RAB9B: variants seen among roughly 807,000 people sequenced by gnomAD.
RAB9B encodes ras-related protein Rab-9B.
RAB9B carries 1 observed loss-of-function variant against 8.9 expected under a neutral mutation model. The ratio of observed to expected loss-of-function variants is 0.11; its 90% CI spans 0.04 to 0.53. RAB9B has a LOEUF of 0.53. RAB9B is among the 20% of genes least tolerant of loss of function. The pLI is 0.93. For missense variants in RAB9B, 82 were observed against 152.9 expected (o/e 0.54, Z 2.45); for synonymous variants, 63 against 57.0 (o/e 1.10, Z -0.47).
At chrX:103,812,945 A>T in the RAB9B span, among the ~76,000 whole-genome samples, 3 of 102,406 alleles carry the variant, frequency 2.9e-5, no homozygotes, top group African/African-American at 1.1e-4. Flanking sequence ...TTTAATTTTT[A>T]AATTTTTTTT....
chrX:103,780,587 A>G, the RAB9B span, among the ~76,000 whole-genome samples: 1 of 111,026 alleles, frequency 9.0e-6, no homozygotes, highest in Non-Finnish European at 1.9e-5. Context: ...AACCTTGTCC[A>G]CATGATTTGA....
At chrX:103,821,013 CAA>C (rs1347202284), downstream of RAB9B, among the ~76,000 whole-genome samples, 4 of 91,624 alleles carry the variant, frequency 4.4e-5, no homozygotes, top group South Asian at 5.4e-4. Flanking sequence ...CACACACACA[CAA>C]AGTTAGCTGG....
chrX:103,788,305 T>A, the RAB9B span: 2 of 581,487 alleles, frequency 3.4e-6, no homozygotes, highest in East Asian at 3.3e-5. Flanking sequence ...GAAAAGAGGA[T>A]CCTGATTGTT....
the RAB9B span, among the ~76,000 whole-genome samples, chrX:103,803,664 C>T: frequency 8.9e-6 from 1 of 112,574 alleles, no homozygotes; most frequent in African/African-American, 3.2e-5. Flanking sequence ...CTGCAGCCTC[C>T]GACTCCCTGG....
chrX:103,801,500 G>A, the RAB9B span, among the ~76,000 whole-genome samples: 2 of 111,787 alleles, frequency 1.8e-5, no homozygotes, highest in Non-Finnish European at 3.8e-5. Context: ...AAGATCCTGA[G>A]ATCCTGGAAC....
chrX:103,786,720 C>G, the RAB9B span: 2 of 1,210,869 alleles, frequency 1.7e-6, no homozygotes, highest in South Asian at 1.8e-5. Context: ...TAGGACATCC[C>G]GACAAGGTGA....
the RAB9B span, chrX:103,787,603 A>G: frequency 3.9e-5 from 18 of 465,964 alleles, no homozygotes; most frequent in Non-Finnish European, 6.5e-5. Flanking sequence ...ACCCTCCGTT[A>G]TACTGGGGCC....
At chrX:103,813,843 C>T in the RAB9B span, among the ~76,000 whole-genome samples, 4 of 103,985 alleles carry the variant, frequency 3.8e-5, no homozygotes, top group South Asian at 1.7e-3. Context: ...ACAAATAAGG[C>T]CATTACATAA....
At chrX:103,819,800 T>C (rs2074652732), downstream of RAB9B, among the ~76,000 whole-genome samples, 3 of 112,388 alleles carry the variant, frequency 2.7e-5, no homozygotes, top group Admixed American at 9.4e-5. Flanking sequence ...GAAATTAAAA[T>C]GACCAGTTTG....
chrX:103,820,157 A>G (rs754573312), downstream of RAB9B, among the ~76,000 whole-genome samples: 4 of 112,411 alleles, frequency 3.6e-5, no homozygotes, highest in Non-Finnish European at 5.6e-5. Context: ...TCCAGAGCTG[A>G]GAAATGAAAT....
chrX:103,802,156 A>G, the RAB9B span, among the ~76,000 whole-genome samples: 12 of 107,744 alleles, frequency 1.1e-4, no homozygotes, highest in Admixed American at 1.2e-3. Flanking sequence ...GAGGTGAGAG[A>G]GGAAAATAGG....
At chrX:103,791,935 T>C in the RAB9B span, 2 of 112,314 alleles carry the variant, frequency 1.8e-5, no homozygotes, top group Admixed American at 9.4e-5. Flanking sequence ...CAATGTTATC[T>C]TGGTGTGTTA....
At chrX:103,778,975 C>T in the RAB9B span, among the ~76,000 whole-genome samples, 1 of 112,125 alleles carries the variant, frequency 8.9e-6, no homozygotes, top group South Asian at 3.7e-4. Flanking sequence ...ACAGCCTCTG[C>T]TTAATCACCT....
the RAB9B span, among the ~76,000 whole-genome samples, chrX:103,790,123 T>C: frequency 8.9e-6 from 1 of 112,386 alleles, no homozygotes; most frequent in Non-Finnish European, 1.9e-5. Flanking sequence ...ACGAATTGAT[T>C]CATTAACCAG....
the RAB9B span, among the ~76,000 whole-genome samples, chrX:103,811,711 TA>T: frequency 0.23 from 25,533 of 110,785 alleles, 2,396 homozygotes; most frequent in Admixed American, 0.31. Context: ...AGAATAACAC[TA>T]CAGATTAGAA....
At chrX:103,794,165 G>T in the RAB9B span, among the ~76,000 whole-genome samples, 1 of 111,645 alleles carries the variant, frequency 9.0e-6, no homozygotes, top group Admixed American at 9.5e-5. Flanking sequence ...TGGAGTGGAG[G>T]CAAGGAGTGT....
chrX:103,826,165 C>T (rs777082491), intron 2 of RAB9B, among the ~76,000 whole-genome samples: 2 of 111,769 alleles, frequency 1.8e-5, no homozygotes, highest in East Asian at 5.6e-4. Context: ...CTTTAGCTTC[C>T]GGTTTGGACA....
At chrX:103,787,335 G>A in the RAB9B span, among the ~76,000 whole-genome samples, 3,936 of 111,187 alleles carry the variant, frequency 0.035, 166 homozygotes, top group African/African-American at 0.12. Context: ...TTCCAGCAAT[G>A]TCTTTTTGTG....
the RAB9B span, among the ~76,000 whole-genome samples, chrX:103,784,667 G>A: frequency 8.9e-6 from 1 of 112,151 alleles, no homozygotes; most frequent in South Asian, 3.7e-4. Flanking sequence ...CTAAAATCCT[G>A]TCTGACAATA....
Sources: gnomAD v4.1 joint callset for allele counts (sites outside exome capture counted in the v4.1 genomes callset) on GRCh38, gnomAD v4.1.1 for gene constraint, MANE v1.5 for transcripts, NCBI Gene and HGNC (gene_info 2026-07-23, HGNC 2026-07-21) for gene names.